KLHL2: variants seen among roughly 807,000 people sequenced by gnomAD.
KLHL2 encodes the protein kelch like family member 2.
A neutral mutation model predicts 75.8 loss-of-function variants in KLHL2; 15 were observed. That is an observed-to-expected ratio of 0.20 (90% CI 0.13 to 0.30). KLHL2 has a LOEUF of 0.30. Ranked by LOEUF, KLHL2 falls within the 10% of genes least tolerant of loss-of-function variation. The pLI is 1.00. For missense variants in KLHL2, 381 were observed against 741.0 expected (o/e 0.51, Z 5.64); for synonymous variants, 214 against 251.9 (o/e 0.85, Z 1.42).
chr4:165,264,740 G>T (rs34165145), intron 5 of KLHL2, among the ~76,000 whole-genome samples: 1 of 75,752 alleles, frequency 1.3e-5, no homozygotes, highest in Non-Finnish European at 2.4e-5. Flanking sequence ...ATATATATAT[G>T]TATATATATA....
At chr4:165,237,610 T>C (rs1472453745) in intron 3 of KLHL2, among the ~76,000 whole-genome samples, 1 of 152,206 alleles carries the variant, frequency 6.6e-6, no homozygotes, top group African/African-American at 2.4e-5. Flanking sequence ...CATAGACTTT[T>C]CTGATAGTTT....
At chr4:165,283,663 T>C (rs908978761) in intron 5 of KLHL2, among the ~76,000 whole-genome samples, 2 of 152,168 alleles carry the variant, frequency 1.3e-5, no homozygotes, top group Non-Finnish European at 2.9e-5. Context: ...AGGCTATCAG[T>C]GATACCATTC....
At chr4:165,304,190 A>G (rs1014707447) in intron 8 of KLHL2, among the ~76,000 whole-genome samples, 2 of 152,180 alleles carry the variant, frequency 1.3e-5, no homozygotes, top group Admixed American at 6.5e-5. Flanking sequence ...CAAGAAGAAT[A>G]ACAGGCCTGA....
At chr4:165,289,508 G>GTTTTT (rs1207266646) in intron 5 of KLHL2, among the ~76,000 whole-genome samples, 1 of 131,814 alleles carries the variant, frequency 7.6e-6, no homozygotes, top group Non-Finnish European at 1.6e-5. Context: ...TTTTTGGTTT[G>GTTTTT]GTTTTTTTTT....
At chr4:165,216,761 C>T (rs759116498) in intron 1 of KLHL2, among the ~76,000 whole-genome samples, 3 of 152,052 alleles carry the variant, frequency 2.0e-5, no homozygotes, top group Non-Finnish European at 4.4e-5. Flanking sequence ...AAAGGGCATT[C>T]GTTTTGAAAA....
At chr4:165,287,760 T>G (rs1744198893) in intron 5 of KLHL2, among the ~76,000 whole-genome samples, 1 of 152,230 alleles carries the variant, frequency 6.6e-6, no homozygotes, top group Non-Finnish European at 1.5e-5. Flanking sequence ...TGATTAGTTA[T>G]GTTGAACATC....
intron 7 of KLHL2, among the ~76,000 whole-genome samples, chr4:165,298,835 G>C (rs1745115715): frequency 6.6e-6 from 1 of 152,000 alleles, no homozygotes; most frequent in South Asian, 2.1e-4. Context: ...TACTCAAGAA[G>C]GTGAGGGAGG....
chr4:165,209,983 A>AG, intron 1 of KLHL2: 2 of 1,472,246 alleles, frequency 1.4e-6, no homozygotes, highest in Non-Finnish European at 1.8e-6. Flanking sequence ...TGAGACTTGC[A>AG]GGCAGTGTCT....
chr4:165,311,205 G>T (rs1746161262), intron 10 of KLHL2, among the ~76,000 whole-genome samples: 1 of 152,136 alleles, frequency 6.6e-6, no homozygotes, highest in Non-Finnish European at 1.5e-5. Flanking sequence ...AATGATATGA[G>T]TGGTGAGTAT....
chr4:165,313,326 G>T lies in KLHL2; in HGVS notation c.1428G>T (p.Trp476Cys). 1 of 1,571,064 alleles carries T rather than the reference G, an allele frequency of 6.4e-7. No homozygotes were observed. The highest frequency in any genetic ancestry group is 1.2e-5 in the South Asian group (1 of 84,678). ...GCTATAATGCTACAACAAATGAGTG[G>T]ACCTATATAGCAGAAATGAGCACCA... Reference protein sequence around the residue: ...VECYNATTNEWTYIAEMSTRR... With the variant: ...VECYNATTNECTYIAEMSTRR... The change falls in exon 12 of 15, where the codon TGG becomes TGT. Residue 476 changes from tryptophan (W) to cysteine (C), a missense_variant. Physicochemically the swap from Trp to Cys is radical, Grantham distance 215 (BLOSUM62 -2). Coordinates refer to ENST00000226725, the MANE Select transcript of KLHL2 (RefSeq NM_007246.4).
intron 3 of KLHL2, among the ~76,000 whole-genome samples, chr4:165,231,499 C>T (rs1239564387): frequency 1.3e-5 from 2 of 151,954 alleles, no homozygotes; most frequent in African/African-American, 2.4e-5. Context: ...TTTACTGAGT[C>T]GTACTGCCAT....
chr4:165,303,494 G>GCCCCCCC (rs35038980), intron 8 of KLHL2, among the ~76,000 whole-genome samples: 1,367 of 112,304 alleles, frequency 0.012, 98 homozygotes, highest in Non-Finnish European at 0.021. Flanking sequence ...TTACAACCTT[G>GCCCCCCC]CCCCCCCCGC....
At chr4:165,219,155 T>C (rs1229424095) in intron 1 of KLHL2, among the ~76,000 whole-genome samples, 1 of 152,230 alleles carries the variant, frequency 6.6e-6, no homozygotes, top group East Asian at 1.9e-4. Context: ...TATAGCCTTG[T>C]GTGCTTAAAA....
At chr4:165,294,507 TC>T in intron 6 of KLHL2, 39 bp downstream of exon 6, 5 of 1,142,592 alleles carry the variant, frequency 4.4e-6, no homozygotes, top group South Asian at 1.4e-5. Flanking sequence ...CAATGATGTT[TC>T]CCTTTTTTTT....
chr4:165,317,195 G>T (rs1746650236), intron 13 of KLHL2, among the ~76,000 whole-genome samples: 2 of 150,564 alleles, frequency 1.3e-5, no homozygotes, highest in South Asian at 4.2e-4. Context: ...TCCCTAAGTA[G>T]CTGACTTTGA....
intron 5 of KLHL2, among the ~76,000 whole-genome samples, chr4:165,277,487 A>G (rs6853219): frequency 0.22 from 32,998 of 152,184 alleles, 4,067 homozygotes; most frequent in Non-Finnish European, 0.29. Context: ...TCTACTATGT[A>G]GAAAAGAAGA....
chr4:165,283,739 G>A (rs1358002822), intron 5 of KLHL2, among the ~76,000 whole-genome samples: 3 of 152,196 alleles, frequency 2.0e-5, no homozygotes, highest in Non-Finnish European at 4.4e-5. Context: ...TAGGGATTCT[G>A]TGTGGGGACT....
At chr4:165,247,137 T>C (rs1239467702) in intron 4 of KLHL2, among the ~76,000 whole-genome samples, 1 of 152,228 alleles carries the variant, frequency 6.6e-6, no homozygotes, top group East Asian at 1.9e-4. Flanking sequence ...TTCGTTTGCC[T>C]GAGACAGTCC....
intron 1 of KLHL2, among the ~76,000 whole-genome samples, chr4:165,210,440 G>GC (rs147210905): frequency 0.024 from 3,623 of 152,002 alleles, 124 homozygotes; most frequent in African/African-American, 0.081. Flanking sequence ...TCTATTCCTT[G>GC]CCTCCAACTT....
Sources: allele counts gnomAD v4.1 joint callset (sites outside exome capture counted in the v4.1 genomes callset), GRCh38; gene constraint gnomAD v4.1.1; transcripts MANE v1.5; gene names NCBI Gene and HGNC (gene_info 2026-07-23, HGNC 2026-07-21).